The following JMJD1C variants were observed in gnomAD, a reference collection of about 807,000 sequenced individuals.
JMJD1C encodes the protein jumonji domain-containing protein 1C.
In JMJD1C, 31 loss-of-function variants were observed where a neutral mutation model predicts 245.3. That is an observed-to-expected ratio of 0.13 (90% confidence interval 0.09 to 0.17). The LOEUF is 0.17. Among genes scored for constraint, JMJD1C ranks in the 10% least tolerant of loss-of-function variants. The pLI is 1.00. For synonymous variants in JMJD1C, 1,057 were observed against 1,017.4 expected, an observed-to-expected ratio of 1.04 and a Z score of -0.74; for missense variants, 2,691 against 3,000.2, an observed-to-expected ratio of 0.90 and a Z score of 2.41.
At chr10:63,439,184 G>C (rs1951221189) in intron 1 of JMJD1C, among the ~76,000 whole-genome samples, 1 of 152,112 alleles carries the variant, frequency 6.6e-6, no homozygotes, top group Non-Finnish European at 1.5e-5. Context: ...ACAGGATAAA[G>C]TATTAATGCC....
At chr10:63,372,509 A>C (rs1190316939) in intron 2 of JMJD1C, among the ~76,000 whole-genome samples, 2 of 152,208 alleles carry the variant, frequency 1.3e-5, no homozygotes, top group Non-Finnish European at 2.9e-5. Flanking sequence ...ACATGTTTAA[A>C]ATTGGTAACT....
At chr10:63,177,904 A>G (rs1315176436) in intron 22 of JMJD1C, 48 bp from the exon 23 acceptor site, 1 of 1,589,654 alleles carries the variant, frequency 6.3e-7, no homozygotes, top group Non-Finnish European at 8.6e-7. Flanking sequence ...GAATACCAGA[A>G]AGCCAAGTCT....
chr10:63,370,512 A>T (rs1946225179), intron 2 of JMJD1C, among the ~76,000 whole-genome samples: 1 of 152,254 alleles, frequency 6.6e-6, no homozygotes, highest in Non-Finnish European at 1.5e-5. Context: ...TGAACCAAGA[A>T]ATATGCCACA....
intron 1 of JMJD1C, among the ~76,000 whole-genome samples, chr10:63,451,208 C>G (rs1356317475): frequency 1.3e-5 from 2 of 152,172 alleles, no homozygotes; most frequent in African/African-American, 4.8e-5. Context: ...CTACCCAAAG[C>G]CATCTACAGA....
chr10:63,288,114 A>C (rs767719933), intron 2 of JMJD1C, among the ~76,000 whole-genome samples: 1 of 152,076 alleles, frequency 6.6e-6, no homozygotes, highest in Non-Finnish European at 1.5e-5. Context: ...TTTTCTATCC[A>C]TGTTTCATTG....
At chr10:63,450,692 G>C (rs76175015) in intron 1 of JMJD1C, among the ~76,000 whole-genome samples, 1 of 152,148 alleles carries the variant, frequency 6.6e-6, no homozygotes, top group Non-Finnish European at 1.5e-5. Context: ...GGCCAGGTAT[G>C]AACATTCCAC....
intron 1 of JMJD1C, among the ~76,000 whole-genome samples, chr10:63,390,891 T>C (rs537870310): frequency 3.6e-4 from 54 of 152,054 alleles, no homozygotes; most frequent in Non-Finnish European, 6.9e-4. Flanking sequence ...TAGCATAATA[T>C]TGAATGGGGA....
rs1849381689 is a variant in JMJD1C at position 63,227,079 on chromosome 10, AT to A, written c.448-7097del. 2.0e-5 allele frequency among the ~76,000 whole-genome samples: 3 copies of A among 152,140 alleles called. No homozygotes were observed. In the South Asian group the frequency reaches 6.2e-4, roughly 32 times the overall value. On this transcript the variant is annotated intron_variant, in intron 3 of 25. Transcript: ENST00000399262. ...TGAGACTCTCAAAGAAAAGGTTAAA[AT>A]CAGGCTGGAATGTGTATTTTGACAG...
intron 1 of JMJD1C, chr10:63,521,709 G>A (rs1211437830): frequency 1.8e-5 from 9 of 509,578 alleles, no homozygotes; most frequent in Non-Finnish European, 2.7e-5. Flanking sequence ...GGCCTGCCGA[G>A]GGTCTGGGGG....
At chr10:63,384,053 G>A (rs935777229) in intron 1 of JMJD1C, among the ~76,000 whole-genome samples, 1 of 152,124 alleles carries the variant, frequency 6.6e-6, no homozygotes, top group African/African-American at 2.4e-5. Context: ...ATCACCAACG[G>A]TTAAGTAGTA....
chr10:63,204,349 G>A, intron 10 of JMJD1C: 1 of 985,274 alleles, frequency 1.0e-6, no homozygotes, highest in Non-Finnish European at 1.2e-6. Context: ...ACTCATTCTG[G>A]CCCTTTTCTT....
intron 3 of JMJD1C, among the ~76,000 whole-genome samples, chr10:63,257,376 A>G (rs1467150127): frequency 6.6e-6 from 1 of 152,230 alleles, no homozygotes; most frequent in Non-Finnish European, 1.5e-5. Context: ...TTCTTTTAAG[A>G]TAAACCTAGC....
intron 3 of JMJD1C, chr10:63,223,161 C>G: frequency 1.7e-6 from 1 of 579,520 alleles, no homozygotes; most frequent in Non-Finnish European, 3.0e-6. Flanking sequence ...CAAACAAAAA[C>G]TTCCATACAT....
At chr10:63,177,109 A>T (rs891677025) in intron 23 of JMJD1C, 1 of 153,028 alleles carries the variant, frequency 6.5e-6, no homozygotes, top group African/African-American at 2.4e-5. Flanking sequence ...ATGATGTATC[A>T]GCACTGAACA....
intron 2 of JMJD1C, among the ~76,000 whole-genome samples, chr10:63,327,833 T>C (rs1941701173): frequency 6.6e-6 from 1 of 151,978 alleles, no homozygotes; most frequent in South Asian, 2.1e-4. Flanking sequence ...CACGCCCAGC[T>C]AATTTTGTAT....
rs34069123 is a variant in JMJD1C at position 63,178,951 on chromosome 10, G to A, written c.7085-1095C>T. 6.6e-3 allele frequency among the ~76,000 whole-genome samples: 1,003 copies of A among 152,072 alleles called. 12 individuals are homozygous for A. The highest frequency in any genetic ancestry group is 0.022 in the African/African-American group (933 of 41,488). On this transcript the variant is annotated intron_variant, in intron 22 of 25. Coordinates refer to ENST00000399262, the MANE Select transcript of JMJD1C (RefSeq NM_032776.3). ...GCAATTTTTGTTACATGGATATATT[G>A]CCTAGCGGTGATGTCTTGGCTTTTA...
At chr10:63,296,659 G>A (rs746848996) in intron 2 of JMJD1C, among the ~76,000 whole-genome samples, 8 of 152,158 alleles carry the variant, frequency 5.3e-5, no homozygotes, top group South Asian at 4.1e-4. Flanking sequence ...TCCACTCTGC[G>A]TAAGTCTATG....
At position 63,193,118 on chromosome 10, in the gene JMJD1C, T is replaced by C. The variant is rs769282971; in HGVS notation, c.5896A>G (p.Ile1966Val). 3.7e-6 allele frequency: 6 copies of C among 1,613,708 alleles called. No homozygotes were observed. In the East Asian group the frequency reaches 1.3e-4, roughly 36 times the overall value. ...TGAGACTCAGGCATGCACAGAGAAA[T>C]TTTATTACTGTGATTAAGAACATTC... Reference protein sequence around the residue: ...LQNVLNHSNKISLCMPESQQQ... With the variant: ...LQNVLNHSNKVSLCMPESQQQ... The change falls in exon 16 of 26, where the codon ATT (isoleucine) becomes GTT (valine). Residue 1966 changes from isoleucine (I) to valine (V), a missense_variant. By Grantham distance (29) the Ile-to-Val change is conservative (BLOSUM62 3). Transcript: ENST00000399262.
intron 1 of JMJD1C, among the ~76,000 whole-genome samples, chr10:63,416,056 C>T (rs1284719777): frequency 6.6e-6 from 1 of 152,080 alleles, no homozygotes; most frequent in African/African-American, 2.4e-5. Context: ...AGTATCCTGC[C>T]CTTAGCGAGA....
Sources: gnomAD v4.1 joint callset for allele counts (sites outside exome capture counted in the v4.1 genomes callset) on GRCh38, gnomAD v4.1.1 for gene constraint, MANE v1.5 for transcripts, NCBI Gene and HGNC (gene_info 2026-07-23, HGNC 2026-07-21) for gene names.